The following ASTN2 variants were observed in gnomAD, a reference collection of about 807,000 sequenced individuals.
ASTN2 encodes astrotactin-2.
In ASTN2, 54 loss-of-function variants were observed where a neutral mutation model predicts 139.8. That is an observed-to-expected ratio of 0.39 (90% CI 0.31 to 0.48). The LOEUF is 0.48. ASTN2 is among the 20% of genes least tolerant of loss of function. ASTN2 has a pLI of 0.95. For synonymous variants in ASTN2, 756 were observed against 719.5 expected (o/e 1.05, Z -0.81); for missense variants, 1,565 against 1,725.1 (o/e 0.91, Z 1.64).
chr9:117,164,124 A>G (rs1396347892), intron 3 of ASTN2, among the ~76,000 whole-genome samples: 1 of 152,118 alleles, frequency 6.6e-6, no homozygotes, highest in Non-Finnish European at 1.5e-5. Context: ...TTCAATTAAA[A>G]CATTACATCC....
chr9:116,739,288 A>G (rs146443980), intron 13 of ASTN2, among the ~76,000 whole-genome samples: 5 of 152,290 alleles, frequency 3.3e-5, no homozygotes, highest in African/African-American at 1.2e-4. Context: ...GAGAGAATCA[A>G]TGTTGCATTG....
chr9:117,034,299 A>T (rs1172669561), intron 6 of ASTN2, among the ~76,000 whole-genome samples: 1 of 152,200 alleles, frequency 6.6e-6, no homozygotes, highest in African/African-American at 2.4e-5. Flanking sequence ...TTAACCAATA[A>T]CTATTTCTCA....
chr9:116,831,063 G>T (rs1409628421), intron 11 of ASTN2, among the ~76,000 whole-genome samples: 1 of 152,168 alleles, frequency 6.6e-6, no homozygotes, highest in East Asian at 1.9e-4. Flanking sequence ...AGAACTGGAG[G>T]CCTTTATCAT....
chr9:117,391,049 G>C (rs1830527148), intron 1 of ASTN2, among the ~76,000 whole-genome samples: 1 of 152,176 alleles, frequency 6.6e-6, no homozygotes, highest in Non-Finnish European at 1.5e-5. Context: ...CCCAACCATA[G>C]ATGGAAACTC....
chr9:117,242,500 T>C (rs906841737), intron 2 of ASTN2, among the ~76,000 whole-genome samples: 6 of 152,140 alleles, frequency 3.9e-5, no homozygotes, highest in African/African-American at 1.2e-4. Context: ...GGTTTTATCA[T>C]CCACTGTTAG....
chr9:116,536,747 G>A (rs931961829), intron 19 of ASTN2, among the ~76,000 whole-genome samples: 7 of 152,218 alleles, frequency 4.6e-5, no homozygotes, highest in African/African-American at 1.4e-4. Flanking sequence ...CCAGCTGTGT[G>A]AGGTGTCAGT....
chr9:116,434,656 A>T (rs916335391), intron 22 of ASTN2, among the ~76,000 whole-genome samples: 3 of 152,218 alleles, frequency 2.0e-5, no homozygotes, highest in South Asian at 2.1e-4. Flanking sequence ...CATAATTGAA[A>T]GTGTAGAGAA....
At chr9:117,398,355 T>A (rs187113582) in intron 1 of ASTN2, among the ~76,000 whole-genome samples, 92 of 152,332 alleles carry the variant, frequency 6.0e-4, no homozygotes, top group Middle Eastern at 3.4e-3. Flanking sequence ...TTGGACATAG[T>A]GCCATCCTTC....
At chr9:116,812,993 C>T (rs1831208226) in intron 12 of ASTN2, among the ~76,000 whole-genome samples, 2 of 152,060 alleles carry the variant, frequency 1.3e-5, no homozygotes. Context: ...AAGGTTTATG[C>T]TAAGGTCTAT....
At chr9:117,316,202 C>G (rs1433600239) in intron 1 of ASTN2, among the ~76,000 whole-genome samples, 1 of 152,206 alleles carries the variant, frequency 6.6e-6, no homozygotes, top group Non-Finnish European at 1.5e-5. Flanking sequence ...CTTCTGGAAT[C>G]AGGCAGCATT....
At chr9:117,295,772 A>T (rs1254287744) in intron 1 of ASTN2, among the ~76,000 whole-genome samples, 1 of 151,952 alleles carries the variant, frequency 6.6e-6, no homozygotes, top group Non-Finnish European at 1.5e-5. Context: ...GAAGAAGAAG[A>T]AGTAAAGGTC....
intron 19 of ASTN2, among the ~76,000 whole-genome samples, chr9:116,522,595 C>T (rs1161054989): frequency 1.3e-5 from 2 of 152,136 alleles, no homozygotes; most frequent in African/African-American, 4.8e-5. Context: ...GCACCAAAAT[C>T]TCAGAAATCA....
intron 13 of ASTN2, among the ~76,000 whole-genome samples, chr9:116,753,856 C>T (rs890801502): frequency 1.1e-4 from 17 of 151,668 alleles, no homozygotes; most frequent in South Asian, 2.1e-4. Context: ...TTGTTACATA[C>T]GTATACATGT....
chr9:116,783,139 C>A (rs142533772), intron 13 of ASTN2, among the ~76,000 whole-genome samples: 1 of 152,230 alleles, frequency 6.6e-6, no homozygotes, highest in Non-Finnish European at 1.5e-5. Flanking sequence ...AGGCTTTCTG[C>A]GTCTCTATCA....
intron 14 of ASTN2, among the ~76,000 whole-genome samples, chr9:116,732,648 A>G (rs1000166946): frequency 6.6e-6 from 1 of 152,190 alleles, no homozygotes; most frequent in African/African-American, 2.4e-5. Flanking sequence ...TAGGAGAGGA[A>G]CTGGGAGCAA....
chr9:117,247,033 A>G (rs188953840), intron 2 of ASTN2, among the ~76,000 whole-genome samples: 1 of 152,336 alleles, frequency 6.6e-6, no homozygotes, highest in East Asian at 1.9e-4. Context: ...TACCAGTTGA[A>G]AAAAGATTCT....
chr9:116,495,351 GC>G (rs1564317742), intron 19 of ASTN2, among the ~76,000 whole-genome samples: 1 of 152,084 alleles, frequency 6.6e-6, no homozygotes, highest in Non-Finnish European at 1.5e-5. Flanking sequence ...TAGAGCTAAG[GC>G]CCCTTTTATC....
chr9:117,368,270 T>C (rs1248535916), intron 1 of ASTN2, among the ~76,000 whole-genome samples: 1 of 151,730 alleles, frequency 6.6e-6, no homozygotes, highest in East Asian at 2.0e-4. Flanking sequence ...TGGGTGTGCA[T>C]GCACATGCGC....
chr9:116,916,238 T>C (rs2132428243), intron 10 of ASTN2, among the ~76,000 whole-genome samples: 1 of 152,282 alleles, frequency 6.6e-6, no homozygotes, highest in Non-Finnish European at 1.5e-5. Flanking sequence ...CAGTGAAAAG[T>C]GTTGAGCCGT....
Sources: gnomAD v4.1 joint callset for allele counts (sites outside exome capture counted in the v4.1 genomes callset) on GRCh38, gnomAD v4.1.1 for gene constraint, MANE v1.5 for transcripts, NCBI Gene and HGNC (gene_info 2026-07-23, HGNC 2026-07-21) for gene names.